The following FRMD4B variants were observed in gnomAD, a reference collection of about 807,000 sequenced individuals.
The protein encoded by FRMD4B is FERM domain-containing protein 4B.
FRMD4B carries 74 observed loss-of-function variants against 141.5 expected under a neutral mutation model. The ratio of observed to expected loss-of-function variants is 0.52; its 90% CI spans 0.43 to 0.63. FRMD4B has a LOEUF of 0.63. Ranked by LOEUF, FRMD4B falls within the 30% of genes least tolerant of loss-of-function variation. The pLI, the probability that FRMD4B is intolerant of heterozygous loss-of-function variation, is 0.00. For synonymous variants in FRMD4B, 506 were observed against 467.9 expected, an observed-to-expected ratio of 1.08 and a Z score of -1.05; for missense variants, 1,366 against 1,253.4, an observed-to-expected ratio of 1.09 and a Z score of -1.36.
chr3:69,194,296 T>A (rs2092875446), intron 16 of FRMD4B, among the ~76,000 whole-genome samples: 1 of 152,210 alleles, frequency 6.6e-6, no homozygotes, highest in South Asian at 2.1e-4. Flanking sequence ...TGCTTCAGTT[T>A]TTTTCATTTG....
At chr3:69,294,890 G>A (rs950266619) in intron 4 of FRMD4B, among the ~76,000 whole-genome samples, 1 of 152,108 alleles carries the variant, frequency 6.6e-6, no homozygotes, top group Admixed American at 6.5e-5. Flanking sequence ...ATCTGGGCAC[G>A]GTGAATAATG....
chr3:69,384,744 T>C (rs961517203), intron 1 of FRMD4B, among the ~76,000 whole-genome samples: 1 of 152,236 alleles, frequency 6.6e-6, no homozygotes, highest in African/African-American at 2.4e-5. Flanking sequence ...ACGCTGACTC[T>C]TTAGACTTCC....
chr3:69,443,133 A>G (rs981399375), intron 1 of FRMD4B, among the ~76,000 whole-genome samples: 4 of 152,126 alleles, frequency 2.6e-5, no homozygotes, highest in Non-Finnish European at 5.9e-5. Context: ...ACAGGGTTGG[A>G]AATTTCAGTC....
chr3:69,536,332 C>A, intron 1 of FRMD4B: 1 of 661,050 alleles, frequency 1.5e-6, no homozygotes, highest in Non-Finnish European at 2.8e-6. Flanking sequence ...TTTGAAGCTG[C>A]CAGTGGCCCC....
chr3:69,387,374 C>A (rs1704283143), upstream of FRMD4B, among the ~76,000 whole-genome samples: 1 of 152,164 alleles, frequency 6.6e-6, no homozygotes, highest in African/African-American at 2.4e-5. Context: ...GCCTCAGCCT[C>A]CCAAAGTGCT....
intron 1 of FRMD4B, among the ~76,000 whole-genome samples, chr3:69,498,835 G>A (rs1449709992): frequency 6.6e-6 from 1 of 152,014 alleles, no homozygotes; most frequent in African/African-American, 2.4e-5. Context: ...CCTTCAATGA[G>A]TATTTATCGA....
chr3:69,499,031 T>A (rs574162678), intron 1 of FRMD4B, among the ~76,000 whole-genome samples: 51 of 152,230 alleles, frequency 3.4e-4, no homozygotes, highest in South Asian at 1.7e-3. Context: ...AGGATACTTG[T>A]TAATAAAAGT....
chr3:69,312,118 C>G (rs930381304), intron 2 of FRMD4B, among the ~76,000 whole-genome samples: 2 of 152,090 alleles, frequency 1.3e-5, no homozygotes, highest in East Asian at 1.9e-4. Context: ...AGGATGTAAT[C>G]TATAAGCTTT....
intron 22 of FRMD4B, among the ~76,000 whole-genome samples, chr3:69,172,281 G>A (rs2092596380): frequency 6.6e-6 from 1 of 152,174 alleles, no homozygotes; most frequent in African/African-American, 2.4e-5. Context: ...GTAGATTTTT[G>A]TCTCAAAGAA....
chr3:69,301,873 T>C (rs540140618), intron 4 of FRMD4B, among the ~76,000 whole-genome samples: 2 of 152,340 alleles, frequency 1.3e-5, no homozygotes, highest in South Asian at 4.1e-4. Context: ...TGAGCATTTG[T>C]TTGCATTTTA....
intron 1 of FRMD4B, among the ~76,000 whole-genome samples, chr3:69,471,257 C>T (rs1705886083): frequency 6.6e-6 from 1 of 152,106 alleles, no homozygotes; most frequent in Admixed American, 6.5e-5. Context: ...AACTGGATAA[C>T]TTCAGAAAAG....
chr3:69,440,595 A>C (rs1160663349), intron 1 of FRMD4B, among the ~76,000 whole-genome samples: 1 of 152,232 alleles, frequency 6.6e-6, no homozygotes, highest in Non-Finnish European at 1.5e-5. Context: ...ACTTGAGGCC[A>C]GGAGCTTGAG....
chr3:69,484,885 G>A (rs1168735087), intron 1 of FRMD4B, among the ~76,000 whole-genome samples: 1 of 152,106 alleles, frequency 6.6e-6, no homozygotes, highest in Non-Finnish European at 1.5e-5. Context: ...GCAGGCCCAG[G>A]AAAAAGCACC....
chr3:69,437,318 T>C (rs1053485913), intron 1 of FRMD4B, among the ~76,000 whole-genome samples: 2 of 151,884 alleles, frequency 1.3e-5, no homozygotes, highest in Non-Finnish European at 2.9e-5. Context: ...GCAATCCTCC[T>C]GCATCTGCCT....
At chr3:69,293,062 T>C (rs1234511877) in intron 4 of FRMD4B, 3 of 451,728 alleles carry the variant, frequency 6.6e-6, no homozygotes, top group Non-Finnish European at 1.3e-5. Flanking sequence ...TAGCATTTCT[T>C]TTTCCTTTCT....
chr3:69,277,705 T>C (rs1027043501), intron 5 of FRMD4B, among the ~76,000 whole-genome samples: 4 of 151,892 alleles, frequency 2.6e-5, no homozygotes, highest in Non-Finnish European at 4.4e-5. Context: ...CTAATTTTTG[T>C]ATTTTTAGTA....
intron 5 of FRMD4B, among the ~76,000 whole-genome samples, chr3:69,282,111 T>C (rs746008483): frequency 1.2e-4 from 18 of 152,184 alleles, no homozygotes; most frequent in Non-Finnish European, 2.2e-4. Context: ...TCAGCAACTG[T>C]ATCAAATCTT....
At chr3:69,325,982 G>T (rs1252507518) in intron 1 of FRMD4B, among the ~76,000 whole-genome samples, 1 of 151,624 alleles carries the variant, frequency 6.6e-6, no homozygotes, top group Non-Finnish European at 1.5e-5. Context: ...TTGAGACAAG[G>T]TCTCTCTCTC....
At chr3:69,242,390 C>A (rs971090013) in intron 7 of FRMD4B, among the ~76,000 whole-genome samples, 8 of 149,600 alleles carry the variant, frequency 5.3e-5, no homozygotes, top group Non-Finnish European at 1.2e-4. Context: ...AACTAAGGGG[C>A]AAATTTCTTG....
Sources: gnomAD v4.1 joint callset for allele counts (sites outside exome capture counted in the v4.1 genomes callset) on GRCh38, gnomAD v4.1.1 for gene constraint, MANE v1.5 for transcripts, NCBI Gene and HGNC (gene_info 2026-07-23, HGNC 2026-07-21) for gene names.